RGS7: variants seen among roughly 807,000 people sequenced by gnomAD.
The protein encoded by RGS7 is regulator of G protein signaling 7.
In RGS7, 27 loss-of-function variants were observed where a neutral mutation model predicts 81.1. The ratio of observed to expected loss-of-function variants is 0.33; its 90% confidence interval spans 0.25 to 0.46. The LOEUF (loss-of-function observed/expected upper bound fraction) is 0.46. RGS7 is among the 20% of genes least tolerant of loss of function. The pLI, the probability that RGS7 is intolerant of heterozygous loss-of-function variation, is 1.00. For missense variants in RGS7, 396 were observed against 607.4 expected, an observed-to-expected ratio of 0.65 and a Z score of 3.66; for synonymous variants, 208 against 207.7, an observed-to-expected ratio of 1.00 and a Z score of -0.01.
intron 2 of RGS7, among the ~76,000 whole-genome samples, chr1:241,286,061 C>T (rs1307077698): frequency 2.0e-5 from 3 of 152,132 alleles, no homozygotes; most frequent in Admixed American, 6.5e-5. Flanking sequence ...TTATTTTCTG[C>T]CAACTTCTTG....
chr1:240,883,699 C>G (rs1332066203), intron 6 of RGS7, among the ~76,000 whole-genome samples: 1 of 152,196 alleles, frequency 6.6e-6, no homozygotes, highest in African/African-American at 2.4e-5. Context: ...TGTTCCAGCT[C>G]TCATACTGTA....
intron 3 of RGS7, among the ~76,000 whole-genome samples, chr1:241,080,778 T>C (rs2063088173): frequency 6.6e-6 from 1 of 152,210 alleles, no homozygotes; most frequent in Non-Finnish European, 1.5e-5. Flanking sequence ...GTTCTACCTT[T>C]TAATTACATA....
At chr1:240,827,043 T>A in intron 10 of RGS7, 55 bp downstream of exon 10, 1 of 1,372,066 alleles carries the variant, frequency 7.3e-7, no homozygotes, top group Non-Finnish European at 1.0e-6. Context: ...ATGGCTGACG[T>A]CCTGTAAACA....
chr1:240,780,913 C>CA (rs35853032), intron 18 of RGS7, among the ~76,000 whole-genome samples: 8,659 of 63,800 alleles, frequency 0.14, 454 homozygotes, highest in Non-Finnish European at 0.15. Context: ...GACTCTGTCT[C>CA]AAAAAAAAAA....
At position 241,038,194 on chromosome 1, in the gene RGS7, C is replaced by T. The variant is rs144176357; in HGVS notation, c.176-55065G>A. Among the ~76,000 whole-genome samples the T allele has an allele frequency of 2.0e-4, 31 of 152,146 alleles. 1 individual carries two copies. The highest frequency in any genetic ancestry group is 7.2e-4 in the African/African-American group (30 of 41,530). On this transcript the variant is annotated intron_variant, in intron 3 of 18. Coordinates refer to ENST00000440928, the MANE Select transcript of RGS7 (RefSeq NM_001364886.1). ...TGTTATTGCCATAAAAATAGATAAA[C>T]GAAAAATAAAGATGTTCTTAGGAAA...
intron 3 of RGS7, among the ~76,000 whole-genome samples, chr1:241,052,909 C>T (rs1019395938): frequency 2.2e-4 from 34 of 151,718 alleles, no homozygotes; most frequent in African/African-American, 8.2e-4. Flanking sequence ...GATAATTTTT[C>T]CACCCTAATT....
intron 4 of RGS7, among the ~76,000 whole-genome samples, chr1:240,956,848 A>C (rs2148457549): frequency 6.6e-6 from 1 of 151,988 alleles, no homozygotes; most frequent in South Asian, 2.1e-4. Context: ...CAGACTAATC[A>C]GGAGAAAAAA....
intron 3 of RGS7, among the ~76,000 whole-genome samples, chr1:241,011,712 T>C (rs767827021): frequency 7.9e-5 from 12 of 152,200 alleles, no homozygotes; most frequent in Non-Finnish European, 1.2e-4. Flanking sequence ...AGGAGTGTCC[T>C]GATATCCCCA....
chr1:241,259,667 A>AAAAAAT, intron 2 of RGS7, among the ~76,000 whole-genome samples: 1 of 49,140 alleles, frequency 2.0e-5, no homozygotes, highest in Non-Finnish European at 3.6e-5. Flanking sequence ...AAAAAAAAAA[A>AAAAAAT]ATATATATAT....
chr1:241,047,621 A>G (rs1483763324), intron 3 of RGS7, among the ~76,000 whole-genome samples: 2 of 152,180 alleles, frequency 1.3e-5, no homozygotes, highest in African/African-American at 4.8e-5. Flanking sequence ...GTACTTACTA[A>G]ATTGAAAGGA....
intron 18 of RGS7, among the ~76,000 whole-genome samples, chr1:240,780,913 CA>C (rs35853032): frequency 0.095 from 6,073 of 64,190 alleles, 179 homozygotes; most frequent in African/African-American, 0.23. Flanking sequence ...GACTCTGTCT[CA>C]AAAAAAAAAA....
chr1:240,926,966 G>C (rs189788192), intron 6 of RGS7, among the ~76,000 whole-genome samples: 2 of 152,252 alleles, frequency 1.3e-5, no homozygotes, highest in Admixed American at 6.5e-5. Flanking sequence ...CTGATCTATT[G>C]AGGCTTATGT....
chr1:241,259,667 A>AAAAAAAAAAAAAAAAAAAATATATATAT, intron 2 of RGS7, among the ~76,000 whole-genome samples: 3 of 49,146 alleles, frequency 6.1e-5, no homozygotes, highest in African/African-American at 1.6e-4. Flanking sequence ...AAAAAAAAAA[A>AAAAAAAAAAAAAAAAAAAATATATATAT]ATATATATAT....
intron 4 of RGS7, among the ~76,000 whole-genome samples, chr1:240,955,412 CATG>C (rs1194684228): frequency 6.6e-6 from 1 of 151,888 alleles, no homozygotes; most frequent in Non-Finnish European, 1.5e-5. Flanking sequence ...ATTAGCCAGA[CATG>C]GTGGTGGGCG....
rs184380548 is a variant in RGS7, at chr1:241,264,050, C to T, written c.78+91649G>A. Among the ~76,000 whole-genome samples the T allele has an allele frequency of 3.2e-3, 481 of 152,294 alleles. 4 individuals carry two copies. The highest frequency in any genetic ancestry group is 1.5e-3 in the Non-Finnish European group (101 of 68,034). ...TGTTCATGTTGCTTAATAGTAACCACCGTGCACCACCCTGACTTACTAGAG... is the reference window on the plus strand; with the variant it reads ...TGTTCATGTTGCTTAATAGTAACCATCGTGCACCACCCTGACTTACTAGAG... On this transcript the variant is annotated intron_variant, in intron 2 of 18. Transcript: ENST00000440928.
At chr1:240,792,102 C>G (rs1032201765) in intron 18 of RGS7, among the ~76,000 whole-genome samples, 1 of 152,048 alleles carries the variant, frequency 6.6e-6, no homozygotes, top group African/African-American at 2.4e-5. Flanking sequence ...AATTCAAGTT[C>G]AAATATCACC....
chr1:240,849,020 T>A (rs1398767672), intron 9 of RGS7, among the ~76,000 whole-genome samples: 3 of 152,210 alleles, frequency 2.0e-5, no homozygotes, highest in African/African-American at 7.2e-5. Flanking sequence ...TTTTGTTGCC[T>A]GTGTAAGGAA....
intron 9 of RGS7, among the ~76,000 whole-genome samples, chr1:240,841,955 C>A (rs1474279972): frequency 6.6e-6 from 1 of 152,006 alleles, no homozygotes; most frequent in African/African-American, 2.4e-5. Flanking sequence ...AAAGTAGAAA[C>A]TTCTTTAAGC....
intron 2 of RGS7, among the ~76,000 whole-genome samples, chr1:241,273,288 C>T (rs539700737): frequency 6.7e-6 from 1 of 149,102 alleles, no homozygotes; most frequent in East Asian, 2.0e-4. Context: ...TGACCACTAA[C>T]TATAAGTTTG....
Sources: gnomAD v4.1 joint callset for allele counts (sites outside exome capture counted in the v4.1 genomes callset) on GRCh38, gnomAD v4.1.1 for gene constraint, MANE v1.5 for transcripts, NCBI Gene and HGNC (gene_info 2026-07-23, HGNC 2026-07-21) for gene names.